The following XYLT1 variants were observed in gnomAD, a reference collection of about 807,000 sequenced individuals.
XYLT1 encodes the protein beta-D-xylosyltransferase 1.
Under a neutral mutation model 91.3 loss-of-function variants are expected in XYLT1, and 36 were observed. That is an observed-to-expected ratio of 0.39 (90% CI 0.30 to 0.52). The LOEUF (loss-of-function observed/expected upper bound fraction) is 0.52, where lower values mean the gene tolerates loss of function less well. XYLT1 is among the 20% of genes least tolerant of loss of function. The pLI is 0.68. For synonymous variants in XYLT1, 588 were observed against 532.0 expected (o/e 1.11, Z -1.45); for missense variants, 1,242 against 1,284.5 (o/e 0.97, Z 0.51).
intron 2 of XYLT1, among the ~76,000 whole-genome samples, chr16:17,314,099 C>T (rs1361770511): frequency 6.6e-6 from 1 of 152,174 alleles, no homozygotes; most frequent in East Asian, 1.9e-4. Context: ...CCAAACTTGT[C>T]GACTCACTAG....
At chr16:17,287,124 C>T (rs546672843) in intron 2 of XYLT1, among the ~76,000 whole-genome samples, 3 of 152,126 alleles carry the variant, frequency 2.0e-5, no homozygotes, top group African/African-American at 4.8e-5. Context: ...ATATCCTGAA[C>T]AAGCATACGC....
At chr16:17,457,824 C>T (rs879356348) in intron 1 of XYLT1, among the ~76,000 whole-genome samples, 2 of 151,916 alleles carry the variant, frequency 1.3e-5, no homozygotes, top group Non-Finnish European at 2.9e-5. Flanking sequence ...AAAGCATAGT[C>T]CTCCATTAAA....
intron 1 of XYLT1, among the ~76,000 whole-genome samples, chr16:17,467,123 A>T (rs1229692104): frequency 6.6e-6 from 1 of 152,230 alleles, no homozygotes; most frequent in East Asian, 1.9e-4. Flanking sequence ...CGGATAATAC[A>T]GAAACCCCAT....
chr16:17,256,241 C>T (rs1019290876), intron 3 of XYLT1, among the ~76,000 whole-genome samples: 1 of 152,068 alleles, frequency 6.6e-6, no homozygotes, highest in Non-Finnish European at 1.5e-5. Context: ...ATTCTGTGAC[C>T]AGTGGTAAAC....
At chr16:17,425,184 G>A (rs919349926) in intron 1 of XYLT1, among the ~76,000 whole-genome samples, 1 of 152,120 alleles carries the variant, frequency 6.6e-6, no homozygotes, top group Non-Finnish European at 1.5e-5. Context: ...AAACAGCAGG[G>A]CTGGCCCACC....
chr16:17,378,301 CT>C (rs540574923), intron 1 of XYLT1, among the ~76,000 whole-genome samples: 40 of 149,104 alleles, frequency 2.7e-4, no homozygotes, highest in South Asian at 4.3e-4. Flanking sequence ...TGTTCCAAGA[CT>C]TTTTTTTTTC....
At chr16:17,260,217 G>T (rs116269451) in intron 2 of XYLT1, among the ~76,000 whole-genome samples, 5 of 152,106 alleles carry the variant, frequency 3.3e-5, no homozygotes, top group African/African-American at 1.2e-4. Flanking sequence ...TGGAGACCAC[G>T]CATGGCATGG....
intron 8 of XYLT1, chr16:17,137,426 G>C (rs1462551219): frequency 6.6e-6 from 1 of 152,172 alleles, no homozygotes; most frequent in Non-Finnish European, 1.5e-5. Flanking sequence ...TTGGGAAGTA[G>C]CATACCGTCT....
intron 3 of XYLT1, among the ~76,000 whole-genome samples, chr16:17,236,629 C>T (rs1463913900): frequency 6.6e-6 from 1 of 152,164 alleles, no homozygotes; most frequent in African/African-American, 2.4e-5. Flanking sequence ...GGTCCAAGAT[C>T]CAGGCGTTGG....
chr16:17,464,318 A>G (rs755125747), intron 1 of XYLT1, among the ~76,000 whole-genome samples: 1 of 152,008 alleles, frequency 6.6e-6, no homozygotes, highest in Non-Finnish European at 1.5e-5. Flanking sequence ...GCAAAACCTC[A>G]TCTCTACTAA....
At chr16:17,375,419 C>T (rs888003539) in intron 1 of XYLT1, among the ~76,000 whole-genome samples, 1 of 147,326 alleles carries the variant, frequency 6.8e-6, no homozygotes, top group African/African-American at 2.5e-5. Context: ...GGGCAAAAAC[C>T]CTGTCGCAAT....
intron 8 of XYLT1, among the ~76,000 whole-genome samples, chr16:17,137,345 G>A (rs1220417190): frequency 1.3e-5 from 2 of 152,160 alleles, no homozygotes; most frequent in Non-Finnish European, 2.9e-5. Context: ...ACAGCATCCC[G>A]CTCCACATCA....
intron 1 of XYLT1, among the ~76,000 whole-genome samples, chr16:17,373,482 C>T (rs193128664): frequency 9.3e-4 from 141 of 152,294 alleles, no homozygotes; most frequent in African/African-American, 3.3e-3. Context: ...ACAAAGTTAC[C>T]GTGTAGTACA....
intron 1 of XYLT1, among the ~76,000 whole-genome samples, chr16:17,397,184 C>T (rs910203847): frequency 6.6e-6 from 1 of 152,090 alleles, no homozygotes; most frequent in Non-Finnish European, 1.5e-5. Flanking sequence ...CGTAAATTTT[C>T]CTTGGTTAAT....
At chr16:17,353,239 A>G in intron 2 of XYLT1, among the ~76,000 whole-genome samples, 1 of 152,228 alleles carries the variant, frequency 6.6e-6, no homozygotes, top group East Asian at 1.9e-4. Flanking sequence ...ACAAATACCC[A>G]GATTGACAAA....
intron 7 of XYLT1, 115 bp from the exon 8 acceptor site, chr16:17,138,646 G>A: frequency 2.4e-6 from 3 of 1,274,138 alleles, no homozygotes; most frequent in South Asian, 1.5e-5. Context: ...TTGTTTAAAA[G>A]AATGTGGCAT....
chr16:17,238,697 A>G (rs2141731101), intron 3 of XYLT1, among the ~76,000 whole-genome samples: 1 of 152,338 alleles, frequency 6.6e-6, no homozygotes, highest in South Asian at 2.1e-4. Context: ...CTTATTGCTA[A>G]TTAAACTTCA....
intron 1 of XYLT1, among the ~76,000 whole-genome samples, chr16:17,404,099 TTG>T (rs1491478629): frequency 8.0e-5 from 8 of 99,592 alleles, no homozygotes; most frequent in African/African-American, 3.0e-4. Flanking sequence ...CTATGTGTGG[TTG>T]GGGGGGGGGC....
At chr16:17,383,982 A>C (rs1325578237) in intron 1 of XYLT1, among the ~76,000 whole-genome samples, 1 of 151,800 alleles carries the variant, frequency 6.6e-6, no homozygotes, top group Admixed American at 6.6e-5. Context: ...TCCTGACCTC[A>C]GGTGATCTGC....
Sources: gnomAD v4.1 joint callset for allele counts (sites outside exome capture counted in the v4.1 genomes callset) on GRCh38, gnomAD v4.1.1 for gene constraint, MANE v1.5 for transcripts, NCBI Gene and HGNC (gene_info 2026-07-23, HGNC 2026-07-21) for gene names.